PI4K2A: variants seen among roughly 807,000 people sequenced by gnomAD.
PI4K2A encodes the protein phosphatidylinositol 4-kinase type 2-alpha.
Under a neutral mutation model 55.0 loss-of-function variants are expected in PI4K2A, and 20 were observed. The observed-to-expected ratio is 0.36, with a 90% CI of 0.26 to 0.53. The LOEUF (loss-of-function observed/expected upper bound fraction) is 0.53, where lower values mean the gene tolerates loss of function less well. Ranked by LOEUF, PI4K2A falls within the 20% of genes least tolerant of loss-of-function variation. The pLI is 0.91. For synonymous variants in PI4K2A, 235 were observed against 258.5 expected, an observed-to-expected ratio of 0.91 and a Z score of 0.87; for missense variants, 463 against 637.1, an observed-to-expected ratio of 0.73 and a Z score of 2.94.
exon 9 of PI4K2A, chr10:97,673,604 G>A (rs764455402): frequency 6.2e-7 from 1 of 1,614,064 alleles, no homozygotes; most frequent in Non-Finnish European, 8.5e-7. Context: ...CCCAGGCCTT[G>A]AAAGACAACA....
At chr10:97,642,843 C>T (rs753461621) in intron 1 of PI4K2A, among the ~76,000 whole-genome samples, 2,578 of 13,770 alleles carry the variant, frequency 0.19, 438 homozygotes, top group Admixed American at 0.22. Flanking sequence ...TCCTTCCTTC[C>T]TTCCTTCCTT....
chr10:97,642,980 TTCTC>T (rs953508542), intron 1 of PI4K2A, among the ~76,000 whole-genome samples: 8 of 150,660 alleles, frequency 5.3e-5, no homozygotes, highest in Non-Finnish European at 8.8e-5. Flanking sequence ...CTTTCATTCA[TTCTC>T]TCTTTCTCGT....
At chr10:97,666,258 C>G (rs1009223499) in intron 6 of PI4K2A, among the ~76,000 whole-genome samples, 180 bp from the exon 7 acceptor site, 1 of 152,316 alleles carries the variant, frequency 6.6e-6, no homozygotes, top group African/African-American at 2.4e-5. Flanking sequence ...GGTTTGAACC[C>G]TGGTTCCTCT....
At chr10:97,672,680 A>G (rs1284049686) in intron 8 of PI4K2A, among the ~76,000 whole-genome samples, 2 of 144,892 alleles carry the variant, frequency 1.4e-5, no homozygotes, top group Non-Finnish European at 3.0e-5. Context: ...ATGCATATCC[A>G]TTAGTGTTTC....
At chr10:97,642,846 C>T (rs76059876) in intron 1 of PI4K2A, among the ~76,000 whole-genome samples, 28,191 of 57,574 alleles carry the variant, frequency 0.49, 6,593 homozygotes, top group Middle Eastern at 0.52. Flanking sequence ...TTCCTTCCTT[C>T]CTTCCTTTCT....
intron 4 of PI4K2A, 53 bp downstream of exon 4, chr10:97,657,027 G>T (rs939357138): frequency 6.3e-7 from 1 of 1,593,532 alleles, no homozygotes; most frequent in African/African-American, 1.3e-5. Flanking sequence ...TTGAGGCATG[G>T]GGAGGCCTGG....
chr10:97,669,802 C>T (rs1212208208), intron 8 of PI4K2A, among the ~76,000 whole-genome samples: 1 of 149,368 alleles, frequency 6.7e-6, no homozygotes, highest in Non-Finnish European at 1.5e-5. Context: ...GAAGAGGCCC[C>T]ACAGGGACAC....
At chr10:97,648,233 C>T (rs889912669) in intron 1 of PI4K2A, among the ~76,000 whole-genome samples, 3 of 151,822 alleles carry the variant, frequency 2.0e-5, no homozygotes, top group Non-Finnish European at 2.9e-5. Flanking sequence ...GCTGGGACTA[C>T]AGGCATGTGC....
At chr10:97,660,389 A>G (rs1589936039) in intron 4 of PI4K2A, among the ~76,000 whole-genome samples, 1 of 131,608 alleles carries the variant, frequency 7.6e-6, no homozygotes, top group Non-Finnish European at 1.6e-5. Context: ...TCCACTTCCC[A>G]GGTTCAAGTG....
intron 5 of PI4K2A, among the ~76,000 whole-genome samples, chr10:97,664,049 C>CT (rs2041599103): frequency 1.3e-5 from 2 of 152,068 alleles, no homozygotes; most frequent in African/African-American, 4.8e-5. Context: ...TTCCTTATAA[C>CT]TTTTTTACTT....
At chr10:97,652,049 A>C (rs1320459917) in intron 2 of PI4K2A, among the ~76,000 whole-genome samples, 1 of 152,128 alleles carries the variant, frequency 6.6e-6, no homozygotes, top group African/African-American at 2.4e-5. Context: ...GCTTAGTCTT[A>C]ACTAGTCTAT....
chr10:97,675,710 A>G (rs1483195338), exon 9 of PI4K2A: 2 of 152,642 alleles, frequency 1.3e-5, no homozygotes, highest in African/African-American at 2.4e-5. Flanking sequence ...ATCAGAAGGA[A>G]ATTGGGTCCA....
chr10:97,664,635 C>T (rs76968546), intron 5 of PI4K2A, among the ~76,000 whole-genome samples: 11,081 of 152,218 alleles, frequency 0.073, 1,336 homozygotes, highest in African/African-American at 0.25. Flanking sequence ...AGGACTGTAG[C>T]AACTCTTGGG....
Position 97,656,790 on chromosome 10 carries a change from A to G in PI4K2A, c.769-31A>G, listed in dbSNP as rs778670950. 6 of 1,611,498 alleles carry G rather than the reference A, an allele frequency of 3.7e-6. No homozygotes were observed. Among genetic ancestry groups the G allele is most frequent in the Admixed American group, 3.3e-5 (2 of 59,930 alleles). ...AGGTCTTTGGATTTGGGCAGTAGGG[A>G]AAAACCTTTGTTCCTTCCTCTTGGT... On this transcript the variant is annotated intron_variant, in intron 3 of 8. Transcript: ENST00000370631. The surrounding 1 kb of genome is among the most constrained non-coding windows in gnomAD (Gnocchi z 4.5).
chr10:97,651,938 T>C (rs1455906614), intron 2 of PI4K2A, among the ~76,000 whole-genome samples: 1 of 152,134 alleles, frequency 6.6e-6, no homozygotes, highest in East Asian at 1.9e-4. Context: ...GGACACATCA[T>C]TCACTGAGTA....
At chr10:97,642,937 T>TC (rs1564772451) in intron 1 of PI4K2A, among the ~76,000 whole-genome samples, 39 of 144,142 alleles carry the variant, frequency 2.7e-4, no homozygotes, top group African/African-American at 9.9e-4. Context: ...TTCTTTCCTT[T>TC]CTTTCTTTCT....
chr10:97,673,655 C>T (rs532322500), exon 9 of PI4K2A: 10 of 1,613,930 alleles, frequency 6.2e-6, no homozygotes, highest in East Asian at 2.2e-5. Flanking sequence ...CTGTGATTGT[C>T]GAGACGGCCC....
chr10:97,667,613 G>C lies in PI4K2A; in HGVS notation c.1278+493G>C, dbSNP rs551447759. 4.0e-3 allele frequency among the ~76,000 whole-genome samples: 610 copies of C among 152,218 alleles called. 3 individuals carry two copies. The highest frequency in any genetic ancestry group is 6.8e-3 in the Non-Finnish European group (460 of 68,006). The stretch of plus-strand genomic sequence containing the variant: ...CTCCCAATTCTCCCACCTCTTCCCT[G>C]GTATCCAGTGCTTGTTGAAGCACTT... On this transcript the variant is annotated intron_variant, in intron 8 of 8. Transcript: ENST00000370631.
chr10:97,642,929 CTTTCCTTTCTTT>C (rs1564772444), intron 1 of PI4K2A, among the ~76,000 whole-genome samples: 1 of 124,558 alleles, frequency 8.0e-6, no homozygotes, highest in African/African-American at 3.6e-5. Context: ...TCCTTCCTTT[CTTTCCTTTCTTT>C]CTTTCTCTTT....
Sources: gnomAD v4.1 joint callset for allele counts (sites outside exome capture counted in the v4.1 genomes callset) on GRCh38, gnomAD v4.1.1 for gene constraint, Gnocchi (gnomAD v3.1) non-coding constraint, MANE v1.5 for transcripts, NCBI Gene and HGNC (gene_info 2026-07-23, HGNC 2026-07-21) for gene names.